Variants in PCBP3 observed in about 807,000 individuals in gnomAD.
The protein encoded by PCBP3 is poly(rC) binding protein 3, also known as poly(rC)-binding protein 3.
PCBP3 carries 25 observed loss-of-function variants against 52.7 expected under a neutral mutation model. The ratio of observed to expected loss-of-function variants is 0.47; its 90% confidence interval spans 0.35 to 0.66. The LOEUF (loss-of-function observed/expected upper bound fraction) is 0.66, where lower values mean the gene tolerates loss of function less well. PCBP3 is among the 30% of genes least tolerant of loss of function. The pLI is 0.01. For synonymous variants in PCBP3, 162 were observed against 183.0 expected (o/e 0.89, Z 0.93); for missense variants, 391 against 490.3 (o/e 0.80, Z 1.91).
intron 2 of PCBP3, among the ~76,000 whole-genome samples, chr21:45,676,596 A>G (rs1480557407): frequency 6.6e-6 from 1 of 152,028 alleles, no homozygotes; most frequent in East Asian, 1.9e-4. Context: ...TTGCCCATAT[A>G]AGATGTTCTA....
intron 2 of PCBP3, among the ~76,000 whole-genome samples, chr21:45,714,388 A>C (rs34396939): frequency 0.051 from 7,787 of 152,242 alleles, 271 homozygotes; most frequent in Non-Finnish European, 0.08. Context: ...ACTGGGTTCT[A>C]CGTCTCTTAA....
intron 4 of PCBP3, among the ~76,000 whole-genome samples, chr21:45,797,387 G>C (rs1201875218): frequency 5.7e-5 from 8 of 139,902 alleles, no homozygotes; most frequent in Non-Finnish European, 1.2e-4. Flanking sequence ...TGCATGGATA[G>C]TTGAGTGCGT....
intron 2 of PCBP3, among the ~76,000 whole-genome samples, chr21:45,722,538 A>G (rs1340496162): frequency 6.6e-6 from 1 of 152,222 alleles, no homozygotes; most frequent in East Asian, 1.9e-4. Flanking sequence ...AGCAATCCAT[A>G]CAATCTTAAA....
chr21:45,656,891 G>A lies in PCBP3; in HGVS notation c.-278-11983G>A, dbSNP rs1467834198. 6.6e-6 allele frequency among the ~76,000 whole-genome samples: 1 copy of A among 152,000 alleles called. No homozygotes were observed. Among genetic ancestry groups the A allele is most frequent in the Non-Finnish European group, 1.5e-5 (1 of 68,014 alleles). Reference sequence around the variant, plus strand: ...GGCTAGAGTGCAGTGGCGCAACCTCGGCTCACTGCAAGCTCTGCCTCCCAG... The same window carrying A: ...GGCTAGAGTGCAGTGGCGCAACCTCAGCTCACTGCAAGCTCTGCCTCCCAG... On this transcript the variant is annotated intron_variant, in intron 1 of 17. Coordinates refer to ENST00000681687, the MANE Select transcript of PCBP3 (RefSeq NM_001384156.1). This position sits in a 1 kb window ranked among gnomAD's most constrained non-coding sequence, Gnocchi z 4.3.
At chr21:45,894,128 C>A in intron 5 of PCBP3, 2 of 685,198 alleles carry the variant, frequency 2.9e-6, no homozygotes, top group African/African-American at 1.9e-5. Context: ...TCCTCTGGGG[C>A]TCTGGGCACT....
intron 4 of PCBP3, among the ~76,000 whole-genome samples, chr21:45,811,379 C>T (rs1394276827): frequency 2.0e-5 from 3 of 152,240 alleles, no homozygotes; most frequent in Admixed American, 6.5e-5. Context: ...TTCATCTGCT[C>T]CTGAGTCCTC....
At chr21:45,868,837 C>T (rs1361368600) in intron 5 of PCBP3, among the ~76,000 whole-genome samples, 1 of 152,224 alleles carries the variant, frequency 6.6e-6, no homozygotes, top group Non-Finnish European at 1.5e-5. Context: ...CTTCCTGCCC[C>T]TGTGGTACTG....
intron 6 of PCBP3, among the ~76,000 whole-genome samples, chr21:45,896,695 C>A (rs35138166): frequency 5.6e-4 from 42 of 75,422 alleles, no homozygotes; most frequent in East Asian, 2.4e-3. Context: ...GGAAAGGCGG[C>A]CGCGGCACAT....
intron 4 of PCBP3, among the ~76,000 whole-genome samples, chr21:45,841,300 C>G (rs141991133): frequency 6.6e-6 from 1 of 151,994 alleles, no homozygotes; most frequent in East Asian, 1.9e-4. Flanking sequence ...TCTCCTGAAC[C>G]TTTTTTACCT....
intron 5 of PCBP3, among the ~76,000 whole-genome samples, chr21:45,867,301 C>T (rs925937265): frequency 1.3e-5 from 2 of 152,186 alleles, no homozygotes; most frequent in African/African-American, 4.8e-5. Context: ...GCGATGGAGC[C>T]CCCACGAATC....
chr21:45,694,387 C>T (rs1881958176), intron 2 of PCBP3, among the ~76,000 whole-genome samples: 1 of 151,966 alleles, frequency 6.6e-6, no homozygotes, highest in African/African-American at 2.4e-5. Context: ...AAATCTATAC[C>T]ACTTGAACAT....
intron 5 of PCBP3, among the ~76,000 whole-genome samples, chr21:45,859,198 G>A (rs143031510): frequency 2.4e-4 from 37 of 152,296 alleles, no homozygotes; most frequent in African/African-American, 7.9e-4. Flanking sequence ...TGAGCTCTGT[G>A]AATGCCCGGC....
intron 2 of PCBP3, among the ~76,000 whole-genome samples, chr21:45,714,847 A>T (rs2084101070): frequency 6.6e-6 from 1 of 152,206 alleles, no homozygotes. Flanking sequence ...TTTCAGGTAA[A>T]GTTGAAAATG....
chr21:45,779,761 T>C (rs1032178446), intron 4 of PCBP3, among the ~76,000 whole-genome samples: 2 of 152,202 alleles, frequency 1.3e-5, no homozygotes, highest in Non-Finnish European at 2.9e-5. Flanking sequence ...TCAATATTGT[T>C]AAGATGTTAA....
chr21:45,682,363 G>A (rs576141701), intron 2 of PCBP3, among the ~76,000 whole-genome samples: 35 of 152,244 alleles, frequency 2.3e-4, no homozygotes, highest in Admixed American at 6.5e-4. Context: ...TTTCAATTAT[G>A]CTTAGTGGGA....
chr21:45,814,063 A>G (rs76005755), intron 4 of PCBP3, among the ~76,000 whole-genome samples: 3,158 of 152,334 alleles, frequency 0.021, 117 homozygotes, highest in African/African-American at 0.072. Flanking sequence ...GGTACAGCCT[A>G]TTGGTCTTAG....
chr21:45,663,162 C>CCT (rs35784297), intron 1 of PCBP3, among the ~76,000 whole-genome samples: 9 of 150,068 alleles, frequency 6.0e-5, no homozygotes, highest in South Asian at 2.1e-4. Context: ...TAAGCTGTCT[C>CCT]CTCTCTCTCT....
At chr21:45,911,079 T>C (rs765753468) in intron 11 of PCBP3, 49 bp downstream of exon 11, 27 of 1,594,280 alleles carry the variant, frequency 1.7e-5, no homozygotes, top group Middle Eastern at 3.3e-4. Context: ...GGATTTGGCC[T>C]CCCAGCACTG....
At chr21:45,773,169 G>C (rs2090008153) in intron 4 of PCBP3, among the ~76,000 whole-genome samples, 1 of 152,102 alleles carries the variant, frequency 6.6e-6, no homozygotes, top group Non-Finnish European at 1.5e-5. Flanking sequence ...ATGTCCGGGA[G>C]AGTTTTCCCT....
Sources: gnomAD v4.1 joint callset for allele counts (sites outside exome capture counted in the v4.1 genomes callset) on GRCh38, gnomAD v4.1.1 for gene constraint, Gnocchi (gnomAD v3.1) non-coding constraint, MANE v1.5 for transcripts, NCBI Gene and HGNC (gene_info 2026-07-23, HGNC 2026-07-21) for gene names.